Variants in LOC122539214 observed in about 807,000 individuals in gnomAD.
chr19:52,668,074 A>T, the LOC122539214 span, among the ~76,000 whole-genome samples: 1 of 152,224 alleles, frequency 6.6e-6, no homozygotes. Context: ...GAAATTATAT[A>T]CTTGGTTTAT....
At chr19:52,670,015 AAGTC>A in the LOC122539214 span, among the ~76,000 whole-genome samples, 1 of 152,210 alleles carries the variant, frequency 6.6e-6, no homozygotes. Context: ...AAGAATCAAT[AAGTC>A]AGTATGTTCA....
chr19:52,677,154 TAAAG>T, the LOC122539214 span, among the ~76,000 whole-genome samples: 10 of 139,300 alleles, frequency 7.2e-5, no homozygotes, highest in Admixed American at 6.4e-4. Flanking sequence ...GAAAAAAAAA[TAAAG>T]GAAGAAGATA....
the LOC122539214 span, among the ~76,000 whole-genome samples, chr19:52,663,449 CA>C: frequency 1.3e-5 from 2 of 152,282 alleles, no homozygotes; most frequent in African/African-American, 4.8e-5. Context: ...GCCCATCCTT[CA>C]ACATCTGCAA....
the LOC122539214 span, among the ~76,000 whole-genome samples, chr19:52,660,488 GACA>G: frequency 1.3e-5 from 2 of 151,630 alleles, no homozygotes; most frequent in Non-Finnish European, 2.9e-5. Flanking sequence ...AGTGGTGGTG[GACA>G]CCTATAATCA....
chr19:52,676,978 C>T, the LOC122539214 span, among the ~76,000 whole-genome samples: 1 of 145,070 alleles, frequency 6.9e-6, no homozygotes, highest in Non-Finnish European at 1.5e-5. Flanking sequence ...TAATCAGGGA[C>T]ACAAACACTG....
At chr19:52,676,936 C>G in the LOC122539214 span, among the ~76,000 whole-genome samples, 70 of 139,990 alleles carry the variant, frequency 5.0e-4, no homozygotes, top group South Asian at 9.0e-4. Context: ...CAGCATGCTC[C>G]TTAAGAGTCA....
At chr19:52,681,280 C>CAAAAAAAAAAAAAAA in the LOC122539214 span, among the ~76,000 whole-genome samples, 42 of 75,416 alleles carry the variant, frequency 5.6e-4, 2 homozygotes, top group South Asian at 1.3e-3. Flanking sequence ...GAGACTTTCT[C>CAAAAAAAAAAAAAAA]AAAAAAAAAA....
chr19:52,657,439 G>A, the LOC122539214 span, among the ~76,000 whole-genome samples: 1 of 151,918 alleles, frequency 6.6e-6, no homozygotes, highest in African/African-American at 2.4e-5. Flanking sequence ...GTGAAACTTT[G>A]TCTCTACTAA....
At chr19:52,679,127 A>T in the LOC122539214 span, among the ~76,000 whole-genome samples, 1 of 152,250 alleles carries the variant, frequency 6.6e-6, no homozygotes, top group Non-Finnish European at 1.5e-5. Flanking sequence ...ACAGTGACAC[A>T]TATTGGTGTG....
chr19:52,689,110 A>G, the LOC122539214 span, among the ~76,000 whole-genome samples: 3 of 152,170 alleles, frequency 2.0e-5, no homozygotes, highest in Non-Finnish European at 2.9e-5. Flanking sequence ...GTCACAAGAT[A>G]TGTTATGCTA....
chr19:52,671,084 A>G, the LOC122539214 span, among the ~76,000 whole-genome samples: 1 of 152,236 alleles, frequency 6.6e-6, no homozygotes, highest in Non-Finnish European at 1.5e-5. Flanking sequence ...TTCTTTGCAG[A>G]CGCACATGAA....
chr19:52,687,594 ATAAT>A, the LOC122539214 span, among the ~76,000 whole-genome samples: 1 of 38,268 alleles, frequency 2.6e-5, no homozygotes, highest in South Asian at 5.9e-4. Context: ...ATATATATAT[ATAAT>A]GTATATATAT....
the LOC122539214 span, among the ~76,000 whole-genome samples, chr19:52,672,356 G>C: frequency 9.2e-5 from 14 of 152,290 alleles, no homozygotes; most frequent in South Asian, 2.9e-3. Flanking sequence ...CACATCCCTA[G>C]CTATGGAAGA....
the LOC122539214 span, among the ~76,000 whole-genome samples, chr19:52,678,472 GAAA>G: frequency 7.0e-6 from 1 of 142,096 alleles, no homozygotes; most frequent in African/African-American, 2.6e-5. Context: ...AAAGAAAAAA[GAAA>G]AAAAAACTGG....
At chr19:52,665,361 C>T in the LOC122539214 span, among the ~76,000 whole-genome samples, 9,898 of 151,734 alleles carry the variant, frequency 0.065, 1,065 homozygotes, top group African/African-American at 0.23. Context: ...CCAGCCTGGG[C>T]GACAAAGTAA....
At chr19:52,658,258 A>C in the LOC122539214 span, among the ~76,000 whole-genome samples, 6 of 152,258 alleles carry the variant, frequency 3.9e-5, no homozygotes, top group African/African-American at 1.2e-4. Context: ...ACATTATGAA[A>C]GTCCCAGGCC....
chr19:52,655,767 T>G, the LOC122539214 span: 1 of 673,940 alleles, frequency 1.5e-6, no homozygotes, highest in East Asian at 2.6e-5. Context: ...AGAAAATAAG[T>G]ATTGATTTGA....
chr19:52,685,560 A>G, the LOC122539214 span, among the ~76,000 whole-genome samples: 22 of 152,320 alleles, frequency 1.4e-4, no homozygotes, highest in African/African-American at 4.8e-4. Context: ...AGGGAAAGAA[A>G]GTCAGCTGTA....
chr19:52,660,844 CTG>C, the LOC122539214 span: 5 of 176,238 alleles, frequency 2.8e-5, no homozygotes, highest in Non-Finnish European at 6.2e-5. Context: ...GAAATTAATT[CTG>C]TGTGAGAAAA....
Sources: allele counts gnomAD v4.1 joint callset (sites outside exome capture counted in the v4.1 genomes callset), GRCh38; gene constraint gnomAD v4.1.1; transcripts MANE v1.5.